The following IFT52 variants were observed in gnomAD, a reference collection of about 807,000 sequenced individuals.
The protein encoded by IFT52 is intraflagellar transport 52.
In IFT52, 44 loss-of-function variants were observed where a neutral mutation model predicts 54.4. That is an observed-to-expected ratio of 0.81 (90% CI 0.63 to 1.04). The LOEUF (loss-of-function observed/expected upper bound fraction) is 1.04, where lower values mean the gene tolerates loss of function less well. Among genes scored for constraint, IFT52 ranks in the 50% least tolerant of loss-of-function variants. The pLI is 0.00. For missense variants in IFT52, 452 were observed against 523.6 expected, an observed-to-expected ratio of 0.86 and a Z score of 1.33; for synonymous variants, 181 against 185.3, an observed-to-expected ratio of 0.98 and a Z score of 0.19.
At chr20:43,634,667 G>C (rs2145664980) in intron 10 of IFT52, among the ~76,000 whole-genome samples, 1 of 151,500 alleles carries the variant, frequency 6.6e-6, no homozygotes, top group East Asian at 1.9e-4. Flanking sequence ...TTTAAGTTCA[G>C]GGGTACAAGT....
chr20:43,625,325 A>G (rs1008316293), intron 10 of IFT52, among the ~76,000 whole-genome samples: 12 of 152,112 alleles, frequency 7.9e-5, no homozygotes, highest in Admixed American at 7.9e-4. Context: ...CCTGGCCAAC[A>G]TGGCGAAACC....
chr20:43,639,720 T>G (rs1223211687), intron 12 of IFT52, among the ~76,000 whole-genome samples: 3 of 151,902 alleles, frequency 2.0e-5, no homozygotes, highest in African/African-American at 7.3e-5. Flanking sequence ...ATTTCTATAT[T>G]CCTAGCTACT....
At chr20:43,636,034 G>A (rs959657074) in intron 11 of IFT52, 21 bp downstream of exon 11, 1 of 1,610,032 alleles carries the variant, frequency 6.2e-7, no homozygotes, top group Non-Finnish European at 8.5e-7. Flanking sequence ...GTGCTTGGGA[G>A]ATCCCACTGC....
In IFT52 at chr20:43,642,592, T is replaced by C. The variant is rs1284529272; in HGVS notation, c.1234T>C (p.Phe412Leu). ...CAAACATATCCTTGAGCACGTCTTC[T>C]TCCAAGTGGTGGAGTTCAAGAAATT... ...DAKHILEHVF[F>L]QVVEFKKLNQ... The change falls in exon 13 of 14, where the codon TTC (phenylalanine) becomes CTC (leucine). Residue 412 changes from phenylalanine (F) to leucine (L), a missense_variant. By Grantham distance (22) the Phe-to-Leu change is conservative. Transcript: ENST00000373030. 2 of 1,614,172 alleles carry C rather than the reference T, an allele frequency of 1.2e-6. No individual in the cohort carries two copies. The highest frequency in any genetic ancestry group is 2.2e-5 in the South Asian group (2 of 91,078).
chr20:43,615,664 C>T (rs1046744406), intron 7 of IFT52, among the ~76,000 whole-genome samples: 3 of 152,074 alleles, frequency 2.0e-5, no homozygotes, highest in South Asian at 2.1e-4. Context: ...ATTGACCAGG[C>T]GTAGTGGCTC....
chr20:43,637,213 C>A lies in IFT52; in HGVS notation c.1080C>A (p.Phe360Leu). Reference sequence around the variant, plus strand: ...AGCTATTTGATTTAGATGAAACGTTCTCCTCTGAGAAGGCACGGCTGGCTC... The same window carrying A: ...AGCTATTTGATTTAGATGAAACGTTATCCTCTGAGAAGGCACGGCTGGCTC... ...PLELFDLDETFSSEKARLAQI... is the reference protein window; with the variant it reads ...PLELFDLDETLSSEKARLAQI... The change falls in exon 12 of 14, where the codon TTC becomes TTA. Residue 360 changes from phenylalanine to leucine, a missense_variant. Transcript: ENST00000373030. The A allele has an allele frequency of 6.2e-7, 1 of 1,603,128 alleles. No homozygotes were observed. The highest frequency in any genetic ancestry group is 8.5e-7 in the Non-Finnish European group (1 of 1,176,598).
chr20:43,621,035 CAGAT>C lies in IFT52; in HGVS notation c.768+111_768+114del, dbSNP rs1046988374. 31 of 740,078 alleles carry C rather than the reference CAGAT, an allele frequency of 4.2e-5. No individual in the cohort carries two copies. The African/African-American group carries it at 4.8e-4, about 11-fold the overall frequency. 45.8% of individuals were successfully genotyped at this position (740,078 alleles called of 1,614,324 possible). On this transcript the variant is annotated intron_variant, in intron 9 of 13. Transcript: ENST00000373030. The stretch of plus-strand genomic sequence containing the variant: ...TGACTGTCTTAACTCATCTGTAAGA[CAGAT>C]GGAACGAAGGAATGATTTGGGGGAG...
intron 6 of IFT52, among the ~76,000 whole-genome samples, chr20:43,610,516 G>A (rs62225586): frequency 0.027 from 4,093 of 152,036 alleles, 68 homozygotes; most frequent in Non-Finnish European, 0.037. Flanking sequence ...GGCAGATCAC[G>A]AGGTCAGGAG....
intron 3 of IFT52, among the ~76,000 whole-genome samples, chr20:43,600,823 T>C (rs1393675221): frequency 6.6e-6 from 1 of 151,826 alleles, no homozygotes; most frequent in East Asian, 1.9e-4. Flanking sequence ...ATACAAAAAT[T>C]AGCCAGGTGT....
chr20:43,624,752 G>C (rs1426601245), intron 10 of IFT52, among the ~76,000 whole-genome samples: 1 of 152,186 alleles, frequency 6.6e-6, no homozygotes, highest in East Asian at 1.9e-4. Context: ...CACAGAAGCA[G>C]AGGGGTTCAG....
chr20:43,597,847 C>A (rs6065632), intron 3 of IFT52, among the ~76,000 whole-genome samples: 1 of 148,002 alleles, frequency 6.8e-6, no homozygotes, highest in East Asian at 2.0e-4. Context: ...GAGCAGAGAT[C>A]GGGCCACTGC....
intron 6 of IFT52, among the ~76,000 whole-genome samples, chr20:43,607,909 C>G (rs1983085062): frequency 6.6e-6 from 1 of 152,222 alleles, no homozygotes; most frequent in Admixed American, 6.5e-5. Flanking sequence ...CCTCGGGAGG[C>G]CGAGGCTGGG....
chr20:43,629,322 G>T (rs1163313344), intron 10 of IFT52, among the ~76,000 whole-genome samples: 1 of 134,878 alleles, frequency 7.4e-6, no homozygotes, highest in Non-Finnish European at 1.6e-5. Flanking sequence ...ACCCAGGCTG[G>T]AGTGCAGTGG....
In IFT52 at chr20:43,635,993, C is replaced by T. The variant is rs778474787; in HGVS notation, c.991C>T (p.Leu331=). The change falls in exon 11 of 14, where the codon CTG becomes TTG. Residue 331 remains leucine, a synonymous_variant. Coordinates refer to ENST00000373030, the MANE Select transcript of IFT52 (RefSeq NM_016004.5). ...QLIQPQFETP[L]PTLQPAVFPP... Reference sequence around the variant, plus strand: ...CATCCAGCCTCAGTTTGAGACGCCGCTGCCAACCCTTCAGCCTGCGGTGAG... The same window carrying T: ...CATCCAGCCTCAGTTTGAGACGCCGTTGCCAACCCTTCAGCCTGCGGTGAG... 1 of 1,614,208 alleles carries T rather than the reference C, an allele frequency of 6.2e-7. No homozygotes were observed. Among genetic ancestry groups the T allele is most frequent in the South Asian group, 1.1e-5 (1 of 91,088 alleles).
chr20:43,605,226 T>C (rs1982769063), intron 6 of IFT52, 153 bp downstream of exon 6: 4 of 1,434,086 alleles, frequency 2.8e-6, no homozygotes, highest in Non-Finnish European at 3.7e-6. Flanking sequence ...TGTAAGTCCA[T>C]GCTCCTCCCC....
chr20:43,627,271 G>A (rs1432544923), intron 10 of IFT52, among the ~76,000 whole-genome samples: 2 of 152,184 alleles, frequency 1.3e-5, no homozygotes, highest in South Asian at 4.1e-4. Flanking sequence ...TATTCTGAGA[G>A]CCAAGCAAAG....
At chr20:43,627,353 G>A (rs2145648949) in intron 10 of IFT52, among the ~76,000 whole-genome samples, 1 of 152,268 alleles carries the variant, frequency 6.6e-6, no homozygotes, top group Non-Finnish European at 1.5e-5. Flanking sequence ...AATGAGGGTT[G>A]AGAATTTATC....
At chr20:43,594,307 C>CA (rs893474045) in intron 1 of IFT52, among the ~76,000 whole-genome samples, 148 of 151,556 alleles carry the variant, frequency 9.8e-4, no homozygotes, top group East Asian at 4.9e-3. Flanking sequence ...GACTCCGTCT[C>CA]AAAAAAAAGA....
At chr20:43,591,770 G>A (rs1459427900) in intron 1 of IFT52, among the ~76,000 whole-genome samples, 1 of 152,194 alleles carries the variant, frequency 6.6e-6, no homozygotes. Flanking sequence ...GGGTGCAGCA[G>A]TGTGGGCCCG....
Sources: gnomAD v4.1 joint callset for allele counts (sites outside exome capture counted in the v4.1 genomes callset) on GRCh38, gnomAD v4.1.1 for gene constraint, MANE v1.5 for transcripts, NCBI Gene and HGNC (gene_info 2026-07-23, HGNC 2026-07-21) for gene names.